Variants in SLX4IP observed in about 807,000 individuals in gnomAD.
The protein encoded by SLX4IP is protein SLX4IP.
A neutral mutation model predicts 32.9 loss-of-function variants in SLX4IP; 34 were observed. The observed-to-expected ratio is 1.03, with a 90% CI of 0.79 to 1.38. The LOEUF (loss-of-function observed/expected upper bound fraction) is 1.38. SLX4IP is among the 40% of genes most tolerant of loss of function. The pLI is 0.00. For synonymous variants in SLX4IP, 172 were observed against 171.7 expected (o/e 1.00, Z -0.01); for missense variants, 444 against 479.0 (o/e 0.93, Z 0.68).
chr20:10,471,465 A>G (rs2065424577), intron 2 of SLX4IP, among the ~76,000 whole-genome samples: 2 of 152,136 alleles, frequency 1.3e-5, no homozygotes, highest in East Asian at 1.9e-4. Context: ...GAGCCCAGTA[A>G]TTTTTTTCAG....
chr20:10,606,552 T>C (rs1366074886), intron 6 of SLX4IP, among the ~76,000 whole-genome samples: 1 of 152,204 alleles, frequency 6.6e-6, no homozygotes, highest in African/African-American at 2.4e-5. Flanking sequence ...CTAGGGAAAG[T>C]TCCTTGAGTA....
chr20:10,544,213 C>A (rs1440658317), intron 2 of SLX4IP, among the ~76,000 whole-genome samples: 1 of 152,116 alleles, frequency 6.6e-6, no homozygotes, highest in Non-Finnish European at 1.5e-5. Context: ...TCTGGCCTTT[C>A]CTTTCTGTTT....
intron 7 of SLX4IP, among the ~76,000 whole-genome samples, chr20:10,622,122 T>G (rs1249864660): frequency 6.6e-6 from 1 of 152,228 alleles, no homozygotes; most frequent in African/African-American, 2.4e-5. Context: ...CCAGGACATT[T>G]CAAATTATAT....
rs2067125039 is a variant in SLX4IP at position 10,622,689 on chromosome 20, C to G, written c.537C>G (p.Val179=). Residue 179 remains valine, a synonymous_variant, in exon 8 of 8, where the codon GTC becomes GTG. Transcript: ENST00000334534. ...IVKRTETKSS[V]TSKSQTRRDT... Reference sequence around the variant, plus strand: ...AAAGAACTGAAACAAAAAGCAGTGTCACGAGCAAATCGCAGACCAGAAGAG... The same window carrying G: ...AAAGAACTGAAACAAAAAGCAGTGTGACGAGCAAATCGCAGACCAGAAGAG... The G allele has an allele frequency of 4.3e-6, 7 of 1,611,752 alleles. No homozygotes were observed. Among genetic ancestry groups the G allele is most frequent in the African/African-American group, 1.3e-5 (1 of 74,846 alleles).
intron 6 of SLX4IP, among the ~76,000 whole-genome samples, chr20:10,615,606 T>C (rs1457829131): frequency 6.6e-6 from 1 of 152,218 alleles, no homozygotes; most frequent in Non-Finnish European, 1.5e-5. Context: ...ACCTGCCTGC[T>C]CAGCACCTCC....
chr20:10,479,732 G>A lies in SLX4IP; in HGVS notation c.27+21501G>A, dbSNP rs1249029308. Among the ~76,000 whole-genome samples the A allele has an allele frequency of 2.0e-5, 3 of 151,840 alleles. No individual in the cohort carries two copies. In the East Asian group the frequency reaches 5.9e-4, roughly 30 times the overall value. Reference sequence around the variant, plus strand: ...AAAAACAGGCAAACAGAGGCCGGGTGTGGTGGCTCACGCCTGTAATCCCAG... The same window carrying A: ...AAAAACAGGCAAACAGAGGCCGGGTATGGTGGCTCACGCCTGTAATCCCAG... On this transcript the variant is annotated intron_variant, in intron 2 of 7. Coordinates refer to ENST00000334534, the MANE Select transcript of SLX4IP (RefSeq NM_001009608.3).
intron 4 of SLX4IP, among the ~76,000 whole-genome samples, chr20:10,585,532 TCCTTTCC>T (rs891586548): frequency 1.3e-5 from 2 of 152,062 alleles, no homozygotes; most frequent in African/African-American, 4.8e-5. Context: ...CTTTTCCTTT[TCCTTTCC>T]CCTTTCCCCT....
chr20:10,586,689 G>A (rs745403931), intron 4 of SLX4IP, among the ~76,000 whole-genome samples: 8 of 151,884 alleles, frequency 5.3e-5, no homozygotes, highest in South Asian at 4.1e-4. Context: ...AAAAAAAGAC[G>A]TAATTAGATC....
At chr20:10,599,029 A>G (rs1266873165) in intron 5 of SLX4IP, among the ~76,000 whole-genome samples, 1 of 152,182 alleles carries the variant, frequency 6.6e-6, no homozygotes, top group Non-Finnish European at 1.5e-5. Context: ...TGAACTATGA[A>G]TCACTTCAGT....
At chr20:10,461,025 T>C (rs1856565547) in intron 2 of SLX4IP, among the ~76,000 whole-genome samples, 1 of 152,268 alleles carries the variant, frequency 6.6e-6, no homozygotes, top group Non-Finnish European at 1.5e-5. Context: ...CCATTTTCTC[T>C]GCCTCTCCTA....
intron 2 of SLX4IP, among the ~76,000 whole-genome samples, chr20:10,519,467 C>A (rs940238949): frequency 6.6e-6 from 1 of 152,200 alleles, no homozygotes; most frequent in Admixed American, 6.5e-5. Flanking sequence ...TGGAGTTATA[C>A]AACACGTGGT....
chr20:10,530,200 G>A (rs983878342), intron 2 of SLX4IP, among the ~76,000 whole-genome samples: 1 of 152,194 alleles, frequency 6.6e-6, no homozygotes, highest in African/African-American at 2.4e-5. Context: ...CAGACGTACT[G>A]GTTGGAGATT....
At chr20:10,535,340 G>A (rs1052498195) in intron 2 of SLX4IP, among the ~76,000 whole-genome samples, 2 of 152,104 alleles carry the variant, frequency 1.3e-5, no homozygotes, top group Non-Finnish European at 2.9e-5. Context: ...TTGTTTTTTT[G>A]AGGCAGAGTC....
chr20:10,604,514 C>T (rs896215277), intron 6 of SLX4IP, among the ~76,000 whole-genome samples: 2 of 152,236 alleles, frequency 1.3e-5, no homozygotes, highest in African/African-American at 4.8e-5. Flanking sequence ...AAGCCAGCTG[C>T]ACTTAGCTCC....
intron 2 of SLX4IP, among the ~76,000 whole-genome samples, chr20:10,493,833 T>A (rs1360360883): frequency 6.6e-6 from 1 of 151,064 alleles, no homozygotes; most frequent in East Asian, 1.9e-4. Context: ...TGTTAAACTT[T>A]ACTGAAGTGT....
chr20:10,579,314 G>A (rs1388611880), intron 4 of SLX4IP, among the ~76,000 whole-genome samples: 1 of 152,122 alleles, frequency 6.6e-6, no homozygotes, highest in African/African-American at 2.4e-5. Context: ...TTGTTGAAAA[G>A]ACTATTCTAT....
intron 2 of SLX4IP, among the ~76,000 whole-genome samples, chr20:10,536,125 T>G (rs2066041491): frequency 6.6e-6 from 1 of 152,258 alleles, no homozygotes; most frequent in Admixed American, 6.5e-5. Flanking sequence ...TCTTATATAC[T>G]ATTTACATAA....
chr20:10,569,445 A>C (rs1258730911), intron 4 of SLX4IP, among the ~76,000 whole-genome samples: 1 of 152,090 alleles, frequency 6.6e-6, no homozygotes, highest in Non-Finnish European at 1.5e-5. Flanking sequence ...GATTACAGGC[A>C]TGAGCCACTG....
intron 1 of SLX4IP, among the ~76,000 whole-genome samples, chr20:10,440,048 A>C (rs1031435014): frequency 6.6e-6 from 1 of 152,242 alleles, no homozygotes; most frequent in Non-Finnish European, 1.5e-5. Context: ...ATTATGGGAT[A>C]ATATATAGAA....
Sources: allele counts gnomAD v4.1 joint callset (sites outside exome capture counted in the v4.1 genomes callset), GRCh38; gene constraint gnomAD v4.1.1; transcripts MANE v1.5; gene names NCBI Gene and HGNC (gene_info 2026-07-23, HGNC 2026-07-21).